Variants in ABCB1 observed in about 807,000 individuals in gnomAD.
ABCB1 encodes ATP binding cassette subfamily B member 1, also known as ATP-dependent translocase ABCB1.
Under a neutral mutation model 142.0 loss-of-function variants are expected in ABCB1, and 69 were observed. The ratio of observed to expected loss-of-function variants is 0.49; its 90% CI spans 0.40 to 0.59. The LOEUF (loss-of-function observed/expected upper bound fraction) is 0.59, where lower values mean the gene tolerates loss of function less well. ABCB1 is among the 20% of genes least tolerant of loss of function. ABCB1 has a pLI of 0.00. For missense variants in ABCB1, 1,326 were observed against 1,554.7 expected, an observed-to-expected ratio of 0.85 and a Z score of 2.47; for synonymous variants, 532 against 539.2, an observed-to-expected ratio of 0.99 and a Z score of 0.18.
Position 87,541,556 on chromosome 7 carries a change from G to A in ABCB1, c.2212-92C>T, listed in dbSNP as rs1215218029. On this transcript the variant is annotated intron_variant, in intron 17 of 27. Coordinates refer to ENST00000622132, the MANE Select transcript of ABCB1 (RefSeq NM_001348946.2). The stretch of plus-strand genomic sequence containing the variant: ...TTCCCATCTGGCCCAGTATTCAGGG[G>A]TCAGGAGAGCCTTAGTACGCTGGAA... 6 of 899,650 alleles carry A rather than the reference G, an allele frequency of 6.7e-6. No individual in the cohort carries two copies. In the East Asian group the frequency reaches 7.2e-5, roughly 11 times the overall value. The allele number at this position is 899,650 out of a possible 1,614,324, so 55.7% of individuals were successfully genotyped here.
intron 1 of ABCB1, among the ~76,000 whole-genome samples, chr7:87,646,193 T>A (rs1313994114): frequency 6.6e-6 from 1 of 152,208 alleles, no homozygotes; most frequent in Admixed American, 6.5e-5. Context: ...CTATGAGTAA[T>A]GTAGAAAAAT....
At chr7:87,650,221 C>T (rs896305794) in intron 1 of ABCB1, among the ~76,000 whole-genome samples, 1 of 152,086 alleles carries the variant, frequency 6.6e-6, no homozygotes, top group African/African-American at 2.4e-5. Flanking sequence ...TTAATGGGGA[C>T]AATTAGCTAT....
At chr7:87,569,722 C>T (rs867315758) in intron 5 of ABCB1, among the ~76,000 whole-genome samples, 6 of 152,250 alleles carry the variant, frequency 3.9e-5, no homozygotes, top group Middle Eastern at 3.4e-3. Flanking sequence ...GGGTCCTGCT[C>T]TTTCCCCCAG....
intron 1 of ABCB1, among the ~76,000 whole-genome samples, chr7:87,683,782 A>G (rs1223677783): frequency 1.3e-5 from 2 of 152,252 alleles, no homozygotes; most frequent in Admixed American, 6.5e-5. Flanking sequence ...AGCACATGCT[A>G]TTGGAAAAAT....
In ABCB1 at chr7:87,561,214, G is replaced by A. The variant is rs780878256; in HGVS notation, c.827+49C>T. ...AACACTGTCAATCTGAAGGGCATTT[G>A]AGAAGACAGAATTTAACATATCTAT... On this transcript the variant is annotated intron_variant, in intron 8 of 27. Coordinates refer to ENST00000622132, the MANE Select transcript of ABCB1 (RefSeq NM_001348946.2). 1.9e-6 allele frequency: 3 copies of A among 1,605,928 alleles called. No homozygotes were observed. Among genetic ancestry groups the A allele is most frequent in the Non-Finnish European group, 2.6e-6 (3 of 1,174,978 alleles).
chr7:87,553,951 A>G lies in ABCB1; in HGVS notation c.828-19T>C. ...GTTGTACCTGAGAAAAAGAACAAAA[A>G]TGATCACATATACATTTTATGAAAA... On this transcript the variant is annotated intron_variant, in intron 8 of 27. Coordinates refer to ENST00000622132, the MANE Select transcript of ABCB1 (RefSeq NM_001348946.2). 1 of 1,591,910 alleles carries G rather than the reference A, an allele frequency of 6.3e-7. No individual in the cohort carries two copies. Among genetic ancestry groups the G allele is most frequent in the Non-Finnish European group, 8.6e-7 (1 of 1,160,036 alleles).
At chr7:87,540,966 TTTTG>T (rs1215554652) in intron 18 of ABCB1, among the ~76,000 whole-genome samples, 3 of 152,016 alleles carry the variant, frequency 2.0e-5, no homozygotes, top group African/African-American at 4.8e-5. Context: ...GCTTATGGGG[TTTTG>T]TTTGTTTGTT....
intron 8 of ABCB1, among the ~76,000 whole-genome samples, chr7:87,560,979 C>T (rs1334916187): frequency 6.6e-6 from 1 of 152,088 alleles, no homozygotes; most frequent in East Asian, 1.9e-4. Context: ...CACTAATTAA[C>T]TTGATAGAGG....
intron 1 of ABCB1, among the ~76,000 whole-genome samples, chr7:87,635,519 T>A (rs1408752106): frequency 1.3e-5 from 2 of 152,214 alleles, no homozygotes; most frequent in Admixed American, 6.5e-5. Flanking sequence ...GAAATCTTAG[T>A]GTCAAGTCTG....
At chr7:87,628,123 G>A (rs181485665) in intron 1 of ABCB1, among the ~76,000 whole-genome samples, 2 of 151,616 alleles carry the variant, frequency 1.3e-5, no homozygotes, top group Non-Finnish European at 2.9e-5. Context: ...CTACAGGCAA[G>A]GGGGGGGCAA....
In ABCB1 at chr7:87,515,440, A is replaced by C; in HGVS notation, c.3085-12T>G. The C allele has an allele frequency of 6.2e-7, 1 of 1,613,310 alleles. No individual in the cohort carries two copies. The highest frequency in any genetic ancestry group is 8.5e-7 in the Non-Finnish European group (1 of 1,179,246). On this transcript the variant is annotated splice_polypyrimidine_tract_variant and intron_variant, in intron 24 of 27. Coordinates refer to ENST00000622132, the MANE Select transcript of ABCB1 (RefSeq NM_001348946.2). ...CCTTCCAATGTGTTCTGCAATGAGA[A>C]GAATAACAGTAAATTTGAATGCTGC...
chr7:87,581,138 T>C (rs960266013), intron 4 of ABCB1, among the ~76,000 whole-genome samples: 12 of 152,086 alleles, frequency 7.9e-5, no homozygotes, highest in African/African-American at 2.9e-4. Flanking sequence ...TTAAGTTTTA[T>C]TAGAGACAAA....
At chr7:87,562,587 G>C (rs1817606494) in intron 7 of ABCB1, among the ~76,000 whole-genome samples, 1 of 152,122 alleles carries the variant, frequency 6.6e-6, no homozygotes, top group African/African-American at 2.4e-5. Context: ...ATACTTTAAA[G>C]TTAGGAGTGT....
intron 1 of ABCB1, chr7:87,694,085 T>A: frequency 6.7e-7 from 1 of 1,500,448 alleles, no homozygotes; most frequent in Non-Finnish European, 8.8e-7. Context: ...AAAGCCTTCT[T>A]TTTTGTGTGT....
At position 87,570,227 on chromosome 7, in the gene ABCB1, G is replaced by C; in HGVS notation, c.287-4C>G. 2.5e-6 allele frequency: 4 copies of C among 1,612,204 alleles called. No individual in the cohort carries two copies. Among genetic ancestry groups the C allele is most frequent in the Non-Finnish European group, 3.4e-6 (4 of 1,179,024 alleles). Reference sequence around the variant, plus strand: ...AACCCTGTATCATTGATATCACCTAGACCACCACAAAACAAACATACCATT... The same window carrying C: ...AACCCTGTATCATTGATATCACCTACACCACCACAAAACAAACATACCATT... On this transcript the variant is annotated splice_polypyrimidine_tract_variant and splice_region_variant and intron_variant, in intron 4 of 27. Coordinates refer to ENST00000622132, the MANE Select transcript of ABCB1 (RefSeq NM_001348946.2).
At chr7:87,598,056 T>A (rs1057244661) in intron 2 of ABCB1, among the ~76,000 whole-genome samples, 1 of 152,084 alleles carries the variant, frequency 6.6e-6, no homozygotes, top group African/African-American at 2.4e-5. Flanking sequence ...TCAAACTGAA[T>A]ACAAATGGGA....
intron 1 of ABCB1, among the ~76,000 whole-genome samples, chr7:87,709,722 A>G (rs369885930): frequency 6.6e-6 from 1 of 152,258 alleles, no homozygotes; most frequent in African/African-American, 2.4e-5. Context: ...TATATTGATT[A>G]GTGTCACCTT....
intron 1 of ABCB1, among the ~76,000 whole-genome samples, chr7:87,682,768 T>C (rs1390715347): frequency 6.6e-6 from 1 of 152,196 alleles, no homozygotes; most frequent in Non-Finnish European, 1.5e-5. Flanking sequence ...TACCCTAGGA[T>C]TTTTTGGAAT....
chr7:87,553,520 C>T (rs942302870), intron 9 of ABCB1, among the ~76,000 whole-genome samples: 1 of 151,972 alleles, frequency 6.6e-6, no homozygotes, highest in East Asian at 1.9e-4. Flanking sequence ...CGGGGTTTCA[C>T]CATGTTAGCC....
Sources: gnomAD v4.1 joint callset for allele counts (sites outside exome capture counted in the v4.1 genomes callset) on GRCh38, gnomAD v4.1.1 for gene constraint, MANE v1.5 for transcripts, NCBI Gene and HGNC (gene_info 2026-07-23, HGNC 2026-07-21) for gene names.